Variants in PRKN observed in about 807,000 individuals in gnomAD.
PRKN encodes E3 ubiquitin-protein ligase parkin.
Under a neutral mutation model 59.5 loss-of-function variants are expected in PRKN, and 56 were observed. The ratio of observed to expected loss-of-function variants is 0.94; its 90% CI spans 0.76 to 1.18. PRKN has a LOEUF of 1.18. Among genes scored for constraint, PRKN ranks in the 50% most tolerant of loss-of-function variants. The pLI, the probability that PRKN is intolerant of heterozygous loss-of-function variation, is 0.00. For missense variants in PRKN, 657 were observed against 596.4 expected (o/e 1.10, Z -1.06); for synonymous variants, 250 against 222.1 (o/e 1.13, Z -1.12).
chr6:162,169,447 C>T (rs549503398), intron 4 of PRKN, among the ~76,000 whole-genome samples: 104 of 151,934 alleles, frequency 6.8e-4, no homozygotes, highest in Non-Finnish European at 1.4e-3. Flanking sequence ...TACCACTTTA[C>T]AAGGGCACAT....
intron 7 of PRKN, among the ~76,000 whole-genome samples, chr6:161,781,911 G>T (rs11968578): frequency 0.42 from 63,232 of 152,074 alleles, 13,988 homozygotes; most frequent in African/African-American, 0.56. Flanking sequence ...CAAAAGCCTT[G>T]CGGCTCCCCT....
intron 4 of PRKN, among the ~76,000 whole-genome samples, chr6:162,112,104 G>A (rs1780463760): frequency 6.6e-6 from 1 of 152,148 alleles, no homozygotes; most frequent in Non-Finnish European, 1.5e-5. Context: ...AAACATATTG[G>A]ACTAATGCAG....
intron 1 of PRKN, among the ~76,000 whole-genome samples, chr6:162,601,318 CT>C: frequency 9.2e-6 from 1 of 109,120 alleles, no homozygotes; most frequent in Middle Eastern, 4.6e-3. Context: ...AAAACATGAA[CT>C]TTTGGGGGAC....
intron 6 of PRKN, among the ~76,000 whole-genome samples, chr6:161,935,725 C>T (rs1169029628): frequency 6.6e-6 from 1 of 151,930 alleles, no homozygotes; most frequent in African/African-American, 2.4e-5. Context: ...CGACAATGCC[C>T]CAAAGAAATG....
At chr6:161,874,805 A>C in intron 6 of PRKN, among the ~76,000 whole-genome samples, 1 of 96,126 alleles carries the variant, frequency 1.0e-5, no homozygotes, top group Non-Finnish European at 1.7e-5. Flanking sequence ...AATGTATAAG[A>C]TATATAAAAT....
Position 161,386,001 on chromosome 6 carries a change from G to T in PRKN, c.1167+793C>A. 6.6e-6 allele frequency among the ~76,000 whole-genome samples: 1 copy of T among 152,156 alleles called. No homozygotes were observed. Among genetic ancestry groups the T allele is most frequent in the East Asian group, 1.9e-4 (1 of 5,198 alleles). The stretch of plus-strand genomic sequence containing the variant: ...CACTTATTCATGCTCTGATTTTAGA[G>T]CATTCAGATCTTTAACATTCTCTAT... On this transcript the variant is annotated intron_variant, in intron 10 of 11. Transcript: ENST00000366898. This position sits in a 1 kb window ranked among gnomAD's most constrained non-coding sequence, Gnocchi z 4.3.
intron 1 of PRKN, among the ~76,000 whole-genome samples, chr6:162,498,483 TTGCCCAGGC>T (rs199804652): frequency 7.7e-4 from 107 of 139,228 alleles, no homozygotes; most frequent in African/African-American, 2.8e-3. Context: ...TTCGCTCTTG[TTGCCCAGGC>T]TGGAGTGCAA....
chr6:162,034,944 C>T (rs951232336), intron 5 of PRKN, among the ~76,000 whole-genome samples: 2 of 152,162 alleles, frequency 1.3e-5, no homozygotes, highest in Non-Finnish European at 2.9e-5. Flanking sequence ...GCTATAAAGG[C>T]ATATCCGAGG....
chr6:161,641,380 C>T (rs1398596911), intron 7 of PRKN, among the ~76,000 whole-genome samples: 1 of 152,136 alleles, frequency 6.6e-6, no homozygotes, highest in Non-Finnish European at 1.5e-5. Flanking sequence ...GTTGGGACCA[C>T]CCAGATGGAT....
intron 9 of PRKN, among the ~76,000 whole-genome samples, chr6:161,408,300 T>C (rs1266020919): frequency 7.2e-6 from 1 of 139,186 alleles, no homozygotes; most frequent in African/African-American, 2.7e-5. Flanking sequence ...GACACACAAT[T>C]AAGGGTGAAA....
At chr6:162,625,989 C>T (rs912522770) in intron 1 of PRKN, among the ~76,000 whole-genome samples, 4 of 152,104 alleles carry the variant, frequency 2.6e-5, no homozygotes, top group Non-Finnish European at 4.4e-5. Context: ...TACGCTAACT[C>T]GACATATCTT....
intron 6 of PRKN, among the ~76,000 whole-genome samples, chr6:161,832,623 CAAAA>C (rs529969845): frequency 5.3e-5 from 4 of 75,222 alleles, no homozygotes; most frequent in African/African-American, 1.0e-4. Flanking sequence ...GATTCCATCT[CAAAA>C]AAAAAAAAAA....
chr6:162,668,575 C>T (rs939001844), intron 1 of PRKN, among the ~76,000 whole-genome samples: 4 of 151,958 alleles, frequency 2.6e-5, no homozygotes, highest in African/African-American at 9.7e-5. Flanking sequence ...GGAGGGAGCA[C>T]CATAAGTGGC....
At chr6:162,327,047 T>C (rs891768580) in intron 2 of PRKN, among the ~76,000 whole-genome samples, 3 of 152,190 alleles carry the variant, frequency 2.0e-5, no homozygotes, top group Non-Finnish European at 2.9e-5. Context: ...GTTTAAAGCA[T>C]TCTATTATTT....
intron 6 of PRKN, among the ~76,000 whole-genome samples, chr6:161,798,195 C>T (rs1315430214): frequency 6.6e-6 from 1 of 152,094 alleles, no homozygotes; most frequent in Non-Finnish European, 1.5e-5. Context: ...AGGGAGACTC[C>T]TTCTCAAAAC....
At chr6:161,652,862 G>A (rs1166162750) in intron 7 of PRKN, among the ~76,000 whole-genome samples, 2 of 152,154 alleles carry the variant, frequency 1.3e-5, no homozygotes, top group South Asian at 2.1e-4. Context: ...GTGATGTAAA[G>A]TTATAAAAGC....
intron 7 of PRKN, among the ~76,000 whole-genome samples, chr6:161,707,341 T>C (rs539008213): frequency 6.6e-6 from 1 of 152,330 alleles, no homozygotes; most frequent in Non-Finnish European, 1.5e-5. Context: ...TACATCATAA[T>C]TGTGCGTTGA....
intron 2 of PRKN, among the ~76,000 whole-genome samples, chr6:162,268,617 T>C (rs1332193850): frequency 2.0e-5 from 3 of 152,220 alleles, no homozygotes; most frequent in Non-Finnish European, 4.4e-5. Context: ...AGATTACTTA[T>C]TGTGGTTGCT....
At chr6:162,310,322 G>A (rs1782438756) in intron 2 of PRKN, among the ~76,000 whole-genome samples, 2 of 152,114 alleles carry the variant, frequency 1.3e-5, no homozygotes, top group Admixed American at 1.3e-4. Flanking sequence ...TGGATGCCCT[G>A]CCTCTACCAG....
Sources: gnomAD v4.1 joint callset for allele counts (sites outside exome capture counted in the v4.1 genomes callset) on GRCh38, gnomAD v4.1.1 for gene constraint, Gnocchi (gnomAD v3.1) non-coding constraint, MANE v1.5 for transcripts, NCBI Gene and HGNC (gene_info 2026-07-23, HGNC 2026-07-21) for gene names.